RBMS1: variants seen among roughly 807,000 people sequenced by gnomAD.
RBMS1 encodes the protein RNA binding motif single stranded interacting protein 1.
In RBMS1, 17 loss-of-function variants were observed where a neutral mutation model predicts 62.3. The observed-to-expected ratio is 0.27, with a 90% confidence interval of 0.19 to 0.41. The LOEUF is 0.41. Ranked by LOEUF, RBMS1 falls within the 10% of genes least tolerant of loss-of-function variation. RBMS1 has a pLI of 1.00. For missense variants in RBMS1, 334 were observed against 504.5 expected (o/e 0.66, Z 3.24); for synonymous variants, 172 against 170.0 (o/e 1.01, Z -0.09).
chr2:160,387,686 C>G (rs1447575204), intron 1 of RBMS1, among the ~76,000 whole-genome samples: 1 of 152,104 alleles, frequency 6.6e-6, no homozygotes, highest in African/African-American at 2.4e-5. Context: ...TATTTGGGCT[C>G]AATATATGCT....
intron 1 of RBMS1, among the ~76,000 whole-genome samples, chr2:160,425,225 C>G (rs1682500476): frequency 6.6e-6 from 1 of 152,148 alleles, no homozygotes; most frequent in African/African-American, 2.4e-5. Context: ...TGTTCAGTGC[C>G]TCTGTAAATA....
intron 1 of RBMS1, among the ~76,000 whole-genome samples, chr2:160,391,890 G>A (rs776878881): frequency 7.2e-5 from 11 of 152,018 alleles, no homozygotes; most frequent in Non-Finnish European, 1.2e-4. Context: ...AGGCAGGGAG[G>A]CGGAGGTTGC....
intron 1 of RBMS1, among the ~76,000 whole-genome samples, chr2:160,400,185 T>G (rs139898942): frequency 5.3e-5 from 8 of 152,326 alleles, no homozygotes; most frequent in African/African-American, 1.9e-4. Context: ...TACCTTGTAC[T>G]TCTTACAGAA....
intron 1 of RBMS1, among the ~76,000 whole-genome samples, chr2:160,368,788 C>T (rs1693558977): frequency 6.6e-6 from 1 of 152,106 alleles, no homozygotes; most frequent in South Asian, 2.1e-4. Flanking sequence ...TACAGACGCA[C>T]AACACCATGC....
chr2:160,415,577 A>C (rs1696180138), intron 1 of RBMS1, among the ~76,000 whole-genome samples: 1 of 152,262 alleles, frequency 6.6e-6, no homozygotes, highest in Admixed American at 6.5e-5. Context: ...CATGTCCTTT[A>C]CATGAGTAAA....
chr2:160,493,278 C>A lies in RBMS1; in HGVS notation c.75+11G>T, dbSNP rs1307983333. The A allele has an allele frequency of 1.9e-6, 3 of 1,612,146 alleles. No homozygotes were observed. Among genetic ancestry groups the A allele is most frequent in the African/African-American group, 2.7e-5 (2 of 74,836 alleles). On this transcript the variant is annotated intron_variant, in intron 1 of 13. Coordinates refer to ENST00000348849, the MANE Select transcript of RBMS1 (RefSeq NM_016836.4). ...TCCTCCGGCCGTCACCTCTCCCCGG[C>A]GCCCCTTTACCTTGGCTTGCAGATA...
At chr2:160,307,193 C>T (rs563848554) in intron 4 of RBMS1, among the ~76,000 whole-genome samples, 7 of 152,026 alleles carry the variant, frequency 4.6e-5, no homozygotes, top group Admixed American at 3.9e-4. Flanking sequence ...AATGCAAGAA[C>T]GGGGACTTGG....
At chr2:160,462,969 G>A (rs1684530019) in intron 1 of RBMS1, among the ~76,000 whole-genome samples, 1 of 152,124 alleles carries the variant, frequency 6.6e-6, no homozygotes, top group Admixed American at 6.5e-5. Flanking sequence ...GGAAGAGATG[G>A]GAAGTTAGAA....
At chr2:160,342,009 T>C (rs1224304757) in intron 2 of RBMS1, among the ~76,000 whole-genome samples, 3 of 152,158 alleles carry the variant, frequency 2.0e-5, no homozygotes, top group Admixed American at 2.0e-4. Flanking sequence ...AATTGAGATG[T>C]CCTGAATTCT....
intron 1 of RBMS1, among the ~76,000 whole-genome samples, chr2:160,426,878 C>T (rs990447036): frequency 2.0e-4 from 31 of 152,078 alleles, no homozygotes; most frequent in South Asian, 2.1e-4. Flanking sequence ...TGTAAGAAGA[C>T]ATTATAAACA....
intron 1 of RBMS1, among the ~76,000 whole-genome samples, chr2:160,383,165 A>G (rs1694366884): frequency 2.0e-5 from 3 of 152,322 alleles, no homozygotes; most frequent in Admixed American, 2.0e-4. Context: ...GTCTGCAATT[A>G]GGGTGTTAGC....
At chr2:160,275,565 T>TA (rs963595236) in intron 13 of RBMS1, 65 bp downstream of exon 13, 10 of 1,552,126 alleles carry the variant, frequency 6.4e-6, no homozygotes, top group East Asian at 2.3e-5. Context: ...ATTCTGATTT[T>TA]AAAAAAAGCC....
chr2:160,438,985 C>G (rs1336377395), intron 1 of RBMS1, among the ~76,000 whole-genome samples: 2 of 147,260 alleles, frequency 1.4e-5, no homozygotes, highest in Admixed American at 6.7e-5. Context: ...CGCCCCTCAC[C>G]TCCCGGACGG....
intron 6 of RBMS1, among the ~76,000 whole-genome samples, chr2:160,299,681 C>A (rs1294507195): frequency 6.6e-6 from 1 of 152,132 alleles, no homozygotes; most frequent in Non-Finnish European, 1.5e-5. Flanking sequence ...GGGTGTAGGT[C>A]CCCTTGCTGG....
Position 160,451,624 on chromosome 2 carries a change from T to A in RBMS1, c.75+41665A>T, listed in dbSNP as rs185515683. On this transcript the variant is annotated intron_variant, in intron 1 of 13. Coordinates refer to ENST00000348849, the MANE Select transcript of RBMS1 (RefSeq NM_016836.4). The stretch of plus-strand genomic sequence containing the variant: ...TGTTTTTATTATTATTATTATTATT[T>A]TTTTGACAGAGTCTTGCTCTGTCAG... Among the ~76,000 whole-genome samples the A allele has an allele frequency of 1.9e-3, 285 of 152,182 alleles. 1 individual carries two copies. The highest frequency in any genetic ancestry group is 5.7e-3 in the African/African-American group (236 of 41,490).
intron 4 of RBMS1, among the ~76,000 whole-genome samples, chr2:160,311,945 A>G (rs1689946851): frequency 6.6e-6 from 1 of 152,230 alleles, no homozygotes; most frequent in South Asian, 2.1e-4. Flanking sequence ...TATTCAACAG[A>G]GACTCCTAAA....
At chr2:160,325,342 T>C (rs914297414) in intron 2 of RBMS1, among the ~76,000 whole-genome samples, 1 of 152,116 alleles carries the variant, frequency 6.6e-6, no homozygotes, top group South Asian at 2.1e-4. Context: ...ACATGCCCAG[T>C]AGAGCATATA....
intron 1 of RBMS1, among the ~76,000 whole-genome samples, chr2:160,426,290 A>AAAGAAAGAAAGAAAGAAAGAAAGG (rs1248344627): frequency 4.5e-5 from 3 of 66,956 alleles, no homozygotes; most frequent in Admixed American, 1.8e-4. Context: ...AGAAAGAAAG[A>AAAGAAAGAAAGAAAGAAAGAAAGG]AAAGAAAGAA....
chr2:160,457,013 T>G (rs539921082), intron 1 of RBMS1, among the ~76,000 whole-genome samples: 7 of 152,308 alleles, frequency 4.6e-5, no homozygotes, highest in African/African-American at 1.7e-4. Flanking sequence ...TGAGGGACTT[T>G]GTATATCTTA....
Sources: gnomAD v4.1 joint callset for allele counts (sites outside exome capture counted in the v4.1 genomes callset) on GRCh38, gnomAD v4.1.1 for gene constraint, MANE v1.5 for transcripts, NCBI Gene and HGNC (gene_info 2026-07-23, HGNC 2026-07-21) for gene names.